Variants in ZNF804B observed in about 807,000 individuals in gnomAD.
ZNF804B encodes the protein zinc finger protein 804B.
In ZNF804B, 80 loss-of-function variants were observed where a neutral mutation model predicts 101.4. The ratio of observed to expected loss-of-function variants is 0.79; its 90% confidence interval spans 0.66 to 0.95. The LOEUF (loss-of-function observed/expected upper bound fraction) is 0.95. ZNF804B is among the 40% of genes least tolerant of loss of function. ZNF804B has a pLI of 0.00. For missense variants in ZNF804B, 1,673 were observed against 1,561.9 expected (o/e 1.07, Z -1.20); for synonymous variants, 622 against 558.8 (o/e 1.11, Z -1.59).
At chr7:89,328,786 A>G (rs1790932816) in intron 3 of ZNF804B, among the ~76,000 whole-genome samples, 1 of 151,928 alleles carries the variant, frequency 6.6e-6, no homozygotes, top group African/African-American at 2.4e-5. Flanking sequence ...CAGGTCCCTT[A>G]AGGGCACAAC....
intron 1 of ZNF804B, among the ~76,000 whole-genome samples, chr7:89,164,395 A>G (rs1004912995): frequency 2.0e-5 from 3 of 151,948 alleles, no homozygotes; most frequent in Non-Finnish European, 4.4e-5. Context: ...AACTGGGGGG[A>G]AAGTCAGTAA....
intron 2 of ZNF804B, among the ~76,000 whole-genome samples, chr7:89,269,296 G>C (rs1417402597): frequency 6.6e-6 from 1 of 151,962 alleles, no homozygotes; most frequent in Non-Finnish European, 1.5e-5. Context: ...TCCCACCTAT[G>C]AGTGAGAACA....
intron 3 of ZNF804B, among the ~76,000 whole-genome samples, chr7:89,329,256 G>T (rs1045231496): frequency 6.6e-5 from 10 of 151,594 alleles, no homozygotes; most frequent in Non-Finnish European, 1.0e-4. Context: ...CCTGAAACTA[G>T]GAAAATAATT....
chr7:88,843,009 AT>A (rs1791311359), intron 1 of ZNF804B, among the ~76,000 whole-genome samples: 1 of 152,132 alleles, frequency 6.6e-6, no homozygotes, highest in Admixed American at 6.5e-5. Flanking sequence ...ATTAGAATTT[AT>A]TTTCTGCTTT....
intron 1 of ZNF804B, among the ~76,000 whole-genome samples, chr7:89,155,994 TCTTTCTTTCTTTCTTTCTCTCTTTC>T (rs2116412322): frequency 2.3e-5 from 3 of 129,336 alleles, no homozygotes; most frequent in East Asian, 2.1e-4. Flanking sequence ...TTCCTTTCCT[TCTTTCTTTCTTTCTTTCTCTCTTTC>T]CTTTCTTTCT....
intron 1 of ZNF804B, among the ~76,000 whole-genome samples, chr7:88,850,689 G>A (rs966918185): frequency 6.6e-6 from 1 of 151,816 alleles, no homozygotes; most frequent in African/African-American, 2.4e-5. Flanking sequence ...ATAGAGCAAA[G>A]ATCAATAATA....
intron 2 of ZNF804B, among the ~76,000 whole-genome samples, chr7:89,301,626 C>T (rs1790476106): frequency 6.6e-6 from 1 of 151,838 alleles, no homozygotes; most frequent in Admixed American, 6.6e-5. Context: ...TTTACTCTTG[C>T]AGTCTTTCAC....
intron 1 of ZNF804B, among the ~76,000 whole-genome samples, chr7:89,159,370 G>A (rs1309829214): frequency 6.6e-6 from 1 of 151,680 alleles, no homozygotes; most frequent in Non-Finnish European, 1.5e-5. Flanking sequence ...TTGAGCAAGG[G>A]CTTTAGAAAT....
At chr7:88,774,106 A>G (rs1387899096) in intron 1 of ZNF804B, among the ~76,000 whole-genome samples, 4 of 152,140 alleles carry the variant, frequency 2.6e-5, no homozygotes, top group African/African-American at 9.7e-5. Context: ...TGACTCATGC[A>G]CAAAGCACTT....
At chr7:89,152,536 G>A (rs978420131) in intron 1 of ZNF804B, among the ~76,000 whole-genome samples, 2 of 152,000 alleles carry the variant, frequency 1.3e-5, no homozygotes, top group African/African-American at 2.4e-5. Flanking sequence ...TATGCAGAAA[G>A]AGGTGTCTAA....
chr7:89,129,670 T>A (rs1790518532), intron 1 of ZNF804B, among the ~76,000 whole-genome samples: 1 of 151,988 alleles, frequency 6.6e-6, no homozygotes, highest in South Asian at 2.1e-4. Context: ...GGTAGAATAC[T>A]ATTATTTACT....
intron 1 of ZNF804B, among the ~76,000 whole-genome samples, chr7:88,937,848 T>C (rs925190664): frequency 1.3e-5 from 2 of 152,018 alleles, no homozygotes; most frequent in South Asian, 2.1e-4. Context: ...GAAAAAACTT[T>C]ACATCTTTGA....
rs953506426 is a variant in ZNF804B at position 89,278,731 on chromosome 7, C to T, written c.250-48613C>T. Among the ~76,000 whole-genome samples, 54 of 149,606 alleles carry T rather than the reference C, an allele frequency of 3.6e-4. 1 individual carries two copies. The highest frequency in any genetic ancestry group is 1.3e-3 in the African/African-American group (51 of 40,610). On this transcript the variant is annotated intron_variant, in intron 2 of 3. Coordinates refer to ENST00000333190, the MANE Select transcript of ZNF804B (RefSeq NM_181646.5). ...CTATATCTCTGTTTTGGTACCAGTACCATGCTGTTTTGGTTACTGTAGCCT... is the reference window on the plus strand; with the variant it reads ...CTATATCTCTGTTTTGGTACCAGTATCATGCTGTTTTGGTTACTGTAGCCT...
chr7:88,864,631 T>C (rs1367953350), intron 1 of ZNF804B, among the ~76,000 whole-genome samples: 1 of 152,156 alleles, frequency 6.6e-6, no homozygotes, highest in Admixed American at 6.5e-5. Flanking sequence ...TATCAATGTA[T>C]TGATGTTAAC....
chr7:89,091,264 T>G (rs550951108), intron 1 of ZNF804B, among the ~76,000 whole-genome samples: 1 of 150,312 alleles, frequency 6.7e-6, no homozygotes, highest in South Asian at 2.1e-4. Context: ...GTGACTTAGA[T>G]GTAAATTAGA....
At chr7:88,834,972 T>C (rs949118601) in intron 1 of ZNF804B, among the ~76,000 whole-genome samples, 2 of 151,856 alleles carry the variant, frequency 1.3e-5, no homozygotes, top group Non-Finnish European at 2.9e-5. Flanking sequence ...TTTTCTTTTG[T>C]ACAAGGAAAT....
chr7:89,084,087 C>T (rs771594324), intron 1 of ZNF804B, among the ~76,000 whole-genome samples: 44 of 151,954 alleles, frequency 2.9e-4, no homozygotes, highest in Admixed American at 3.3e-4. Flanking sequence ...ATCTAAATCA[C>T]TCTGATCAAA....
At chr7:88,877,840 T>A (rs1303347940) in intron 1 of ZNF804B, among the ~76,000 whole-genome samples, 1 of 152,168 alleles carries the variant, frequency 6.6e-6, no homozygotes, top group Non-Finnish European at 1.5e-5. Flanking sequence ...TAAACTGTAT[T>A]GTTTTGGAAT....
At chr7:89,270,157 G>T (rs957692940) in intron 2 of ZNF804B, among the ~76,000 whole-genome samples, 2 of 152,082 alleles carry the variant, frequency 1.3e-5, no homozygotes, top group African/African-American at 4.8e-5. Context: ...TGTCCTGAAT[G>T]GTATTGCCTA....
Sources: allele counts gnomAD v4.1 joint callset (sites outside exome capture counted in the v4.1 genomes callset), GRCh38; gene constraint gnomAD v4.1.1; transcripts MANE v1.5; gene names NCBI Gene and HGNC (gene_info 2026-07-23, HGNC 2026-07-21).